Variants in FUS observed in about 807,000 individuals in gnomAD.
FUS encodes the protein RNA-binding protein FUS.
In FUS, 5 loss-of-function variants were observed where a neutral mutation model predicts 82.7. That is an observed-to-expected ratio of 0.06 (90% CI 0.03 to 0.13). The LOEUF (loss-of-function observed/expected upper bound fraction) is 0.13. Among genes scored for constraint, FUS ranks in the 10% least tolerant of loss-of-function variants. The probability of loss-of-function intolerance (pLI) is 1.00; values close to 1 mark genes in which losing one functional copy is unlikely to be tolerated. For synonymous variants in FUS, 281 were observed against 247.4 expected, an observed-to-expected ratio of 1.14 and a Z score of -1.27; for missense variants, 512 against 707.8, an observed-to-expected ratio of 0.72 and a Z score of 3.14.
rs560450437 is a variant in FUS, at chr16:31,190,277, C to A, written c.1171C>A (p.Pro391Thr). The A allele has an allele frequency of 6.2e-7, 1 of 1,614,002 alleles. No homozygotes were observed. The highest frequency in any genetic ancestry group is 2.2e-5 in the East Asian group (1 of 44,878). The change falls in exon 12 of 15, where the codon CCC (proline) becomes ACC (threonine). Residue 391 changes from proline (P) to threonine (T), a missense_variant and splice_region_variant. Transcript: ENST00000254108. The part of the protein sequence containing the change: ...NGRGGRGRGG[P>T]MGRGGYGGGG... Reference sequence around the variant, plus strand: ...CATACTTGGTCTATCTGCATTAGGACCCATGGGCCGTGGAGGCTATGGAGG... The same window carrying A: ...CATACTTGGTCTATCTGCATTAGGAACCATGGGCCGTGGAGGCTATGGAGG...
chr16:31,186,539 GTTA>G, intron 6 of FUS: 1 of 554,612 alleles, frequency 1.8e-6, no homozygotes, highest in Non-Finnish European at 3.2e-6. Context: ...AGGAAAATGG[GTTA>G]TTTTTTTTCC....
At chr16:31,183,664 G>C in intron 3 of FUS, 194 bp from the exon 4 acceptor site, 1 of 664,598 alleles carries the variant, frequency 1.5e-6, no homozygotes, top group South Asian at 1.7e-5. Context: ...CTGTACTAAA[G>C]AGTTGGTAGA....
At chr16:31,191,738 T>G (rs773694636), downstream of FUS, 3 of 642,354 alleles carry the variant, frequency 4.7e-6, no homozygotes, top group Non-Finnish European at 8.6e-6. Context: ...GGCCAAATGA[T>G]ATCCTTGAGA....
downstream of FUS, chr16:31,192,118 C>G (rs531396018): frequency 1.9e-6 from 1 of 531,368 alleles, no homozygotes; most frequent in Non-Finnish European, 3.6e-6. Flanking sequence ...TTCCTAGCTG[C>G]CCTGGTGAAC....
chr16:31,182,706 A>T (rs767312570), intron 3 of FUS, 42 bp downstream of exon 3: 1 of 1,613,016 alleles, frequency 6.2e-7, no homozygotes, highest in South Asian at 1.1e-5. Flanking sequence ...ACTCTTTCTG[A>T]ATATTGCTTT....
At position 31,188,289 on chromosome 16, in the gene FUS, G is replaced by T. The variant is rs775807888; in HGVS notation, c.800-36G>T. On this transcript the variant is annotated intron_variant, in intron 7 of 14. Coordinates refer to ENST00000254108, the MANE Select transcript of FUS (RefSeq NM_004960.4). Reference sequence around the variant, plus strand: ...AACGGCTCATCTTTTCCTTGTTTTTGTTTTTTTTTTGTTCTTTTTTTCCAT... The same window carrying T: ...AACGGCTCATCTTTTCCTTGTTTTTTTTTTTTTTTTGTTCTTTTTTTCCAT... 3.5e-5 allele frequency: 49 copies of T among 1,388,048 alleles called. No individual in the cohort carries two copies. The South Asian group carries it at 4.4e-4, about 12-fold the overall frequency. The allele number at this position is 1,388,048 out of a possible 1,614,324, so 86.0% of individuals were successfully genotyped here.
chr16:31,190,391 C>T lies in FUS; in HGVS notation c.1285C>T (p.Pro429Ser), dbSNP rs776340220. ...GCAGCGAGCTGGTGACTGGAAGTGTCCTAATCCGTGAGTGAAACTTAATTT... is the reference window on the plus strand; with the variant it reads ...GCAGCGAGCTGGTGACTGGAAGTGTTCTAATCCGTGAGTGAAACTTAATTT... ...GQQRAGDWKC[P>S]NPTCENMNFS... Residue 429 changes from proline to serine, a missense_variant, in exon 12 of 15, where the codon CCT (proline) becomes TCT (serine). Coordinates refer to ENST00000254108, the MANE Select transcript of FUS (RefSeq NM_004960.4). The T allele has an allele frequency of 2.5e-6, 4 of 1,614,088 alleles. No homozygotes were observed. In the South Asian group the frequency reaches 3.3e-5, roughly 13 times the overall value.
At chr16:31,193,531 G>T, downstream of FUS, 1 of 529,690 alleles carries the variant, frequency 1.9e-6, no homozygotes, top group Non-Finnish European at 3.7e-6. Context: ...AGTGGAGGAG[G>T]TCGAAGCTCC....
At chr16:31,194,385 C>T (rs190455267), downstream of FUS, 36 of 516,426 alleles carry the variant, frequency 7.0e-5, 1 homozygote, top group South Asian at 2.8e-4. Flanking sequence ...GCCTCCCACC[C>T]GCAAGCTATC....
intron 7 of FUS, chr16:31,187,215 G>A (rs991270341): frequency 2.8e-6 from 1 of 359,446 alleles, no homozygotes; most frequent in Non-Finnish European, 5.2e-6. Flanking sequence ...TCCAAGGCTT[G>A]TGTGTGTGTG....
intron 3 of FUS, chr16:31,183,404 A>G (rs1434921478): frequency 5.8e-6 from 1 of 173,230 alleles, no homozygotes; most frequent in East Asian, 1.5e-4. Flanking sequence ...CATATTTTCT[A>G]AAGGAAGAAC....
At chr16:31,193,074 G>A (rs1299492570), downstream of FUS, 1 of 483,420 alleles carries the variant, frequency 2.1e-6, no homozygotes, top group Admixed American at 2.3e-5. Flanking sequence ...GCGATAGCTG[G>A]GATTACAGGC....
At chr16:31,191,376 A>AT (rs1567478959) in intron 14 of FUS, 23 bp from the exon 15 acceptor site, 1 of 1,555,400 alleles carries the variant, frequency 6.4e-7, no homozygotes, top group East Asian at 2.2e-5. Context: ...ATGGATACTT[A>AT]ATTTTTTTTT....
In FUS at chr16:31,191,448, C is replaced by T. The variant is rs529269129; in HGVS notation, c.*10C>T. 7.8e-5 allele frequency: 125 copies of T among 1,612,696 alleles called. No homozygotes were observed. In the South Asian group the frequency reaches 1.1e-3, roughly 15 times the overall value. ...GGAGAGGCCGTATTAATTAGCCTGG[C>T]TCCCCAGGTTCTGGAACAGCTTTTT... On this transcript the variant is annotated 3_prime_UTR_variant, in exon 15 of 15. Transcript: ENST00000254108.
At chr16:31,194,118 T>G (rs894725706), downstream of FUS, 2 of 532,222 alleles carry the variant, frequency 3.8e-6, no homozygotes, top group African/African-American at 1.9e-5. Flanking sequence ...CCCTTTCAGC[T>G]TTTTTCCCCA....
intron 4 of FUS, 68 bp from the exon 5 acceptor site, chr16:31,184,141 A>C: frequency 1.9e-6 from 3 of 1,613,884 alleles, no homozygotes; most frequent in Non-Finnish European, 2.5e-6. Context: ...AATGGACTCC[A>C]CTAAAAGTGA....
At position 31,183,908 on chromosome 16, in the gene FUS, T is replaced by C. The variant is rs1458159264; in HGVS notation, c.241T>C (p.Tyr81His). ...TPQGYGSTGG[Y>H]GSSQSSQSSY... is the part of the protein sequence containing the mutation. ...CCAGGGATATGGCTCGACTGGCGGC[T>C]ATGGCAGTAGCCAGAGCTCCCAATC... Residue 81 changes from tyrosine (Y) to histidine (H), a missense_variant, in exon 4 of 15, where the codon TAT becomes CAT. Transcript: ENST00000254108. 1 of 1,614,172 alleles carries C rather than the reference T, an allele frequency of 6.2e-7. No homozygotes were observed. The highest frequency in any genetic ancestry group is 8.5e-7 in the Non-Finnish European group (1 of 1,180,000).
intron 9 of FUS, 38 bp from the exon 10 acceptor site, chr16:31,189,627 C>T (rs2079322472): frequency 1.2e-6 from 2 of 1,613,718 alleles, no homozygotes; most frequent in Non-Finnish European, 1.7e-6. Context: ...AGTACTGTAG[C>T]CTTTAAAATT....
At position 31,184,254 on chromosome 16, in the gene FUS, T is replaced by G. The variant is rs1596894700; in HGVS notation, c.381T>G (p.Ser127Arg). ...SQSSSYGQPQ[S>R]GSYSQQPSYG... ...GCAGCAGCTATGGGCAGCCCCAGAG[T>G]GGGAGCTACAGCCAGCAGCCTAGCT... The change falls in exon 5 of 15, where the codon AGT becomes AGG. Residue 127 changes from serine to arginine, a missense_variant. By Grantham distance (110) the Ser-to-Arg change is moderately radical. This residue lies in a region of FUS where 276 missense variants were observed against 303.3 expected (regional missense o/e 0.91). Coordinates refer to ENST00000254108, the MANE Select transcript of FUS (RefSeq NM_004960.4). 1 of 1,613,760 alleles carries G rather than the reference T, an allele frequency of 6.2e-7. No homozygotes were observed. Among genetic ancestry groups the G allele is most frequent in the Non-Finnish European group, 8.5e-7 (1 of 1,179,952 alleles).
Sources: gnomAD v4.1 joint callset for allele counts on GRCh38, gnomAD v4.1.1 for gene constraint, gnomAD v4.1.1 regional missense constraint, MANE v1.5 for transcripts, NCBI Gene and HGNC (gene_info 2026-07-23, HGNC 2026-07-21) for gene names.